Variants in ASIC2 observed in about 807,000 individuals in gnomAD.
ASIC2 encodes the protein acid sensing ion channel subunit 2, also known as acid-sensing ion channel 2.
Under a neutral mutation model 57.3 loss-of-function variants are expected in ASIC2, and 25 were observed. The observed-to-expected ratio is 0.44, with a 90% CI of 0.32 to 0.61. The LOEUF is 0.61. Ranked by LOEUF, ASIC2 falls within the 20% of genes least tolerant of loss-of-function variation. The pLI is 0.06. For synonymous variants in ASIC2, 319 were observed against 307.5 expected, an observed-to-expected ratio of 1.04 and a Z score of -0.39; for missense variants, 641 against 738.1, an observed-to-expected ratio of 0.87 and a Z score of 1.52.
At chr17:33,069,582 T>C (rs999261764) in intron 3 of ASIC2, among the ~76,000 whole-genome samples, 57 of 152,244 alleles carry the variant, frequency 3.7e-4, no homozygotes, top group African/African-American at 1.1e-3. Context: ...TTTATGATTA[T>C]GAAATGACCT....
chr17:33,390,410 G>C (rs11652948), intron 1 of ASIC2, among the ~76,000 whole-genome samples: 2,328 of 152,150 alleles, frequency 0.015, 27 homozygotes, highest in Middle Eastern at 0.048. Context: ...TGTTTTGTTT[G>C]TATTCATGTA....
intron 1 of ASIC2, among the ~76,000 whole-genome samples, chr17:33,655,586 A>G (rs569683391): frequency 6.6e-6 from 1 of 152,298 alleles, no homozygotes; most frequent in East Asian, 1.9e-4. Context: ...CTCCATCTGA[A>G]CATTCTTGAA....
intron 1 of ASIC2, among the ~76,000 whole-genome samples, chr17:34,142,518 C>A (rs1444142518): frequency 6.6e-6 from 1 of 152,174 alleles, no homozygotes; most frequent in Non-Finnish European, 1.5e-5. Context: ...TCTAATTAAA[C>A]AACATACTCA....
At chr17:33,465,918 A>T (rs1309550665) in intron 1 of ASIC2, among the ~76,000 whole-genome samples, 1 of 152,110 alleles carries the variant, frequency 6.6e-6, no homozygotes, top group East Asian at 1.9e-4. Flanking sequence ...AGTCTTAAAA[A>T]CTGTAAGGAC....
rs538093949 is a variant in ASIC2, at chr17:33,672,800, C to G, written c.555+483178G>C. ...GGACTACCAGGAATCTCCAGTCTGG[C>G]GTTGAGATGAGACGCCTGCAGAAAT... On this transcript the variant is annotated intron_variant, in intron 1 of 9. Coordinates refer to the ASIC2 transcript ENST00000359872. Among the ~76,000 whole-genome samples, 24 of 152,228 alleles carry G rather than the reference C, an allele frequency of 1.6e-4. 1 individual carries two copies. The highest frequency in any genetic ancestry group is 5.1e-4 in the African/African-American group (21 of 41,534).
chr17:33,406,408 C>G (rs1212253000), intron 1 of ASIC2, among the ~76,000 whole-genome samples: 1 of 152,182 alleles, frequency 6.6e-6, no homozygotes, highest in Non-Finnish European at 1.5e-5. Context: ...TGGGCCAAGT[C>G]TTATTTGTAC....
At chr17:33,839,575 C>A (rs994984700) in intron 1 of ASIC2, among the ~76,000 whole-genome samples, 1 of 152,126 alleles carries the variant, frequency 6.6e-6, no homozygotes, top group African/African-American at 2.4e-5. Context: ...CTAGGGTGAC[C>A]AATTGTCCCC....
At chr17:33,183,298 C>A (rs1906059276) in intron 1 of ASIC2, among the ~76,000 whole-genome samples, 1 of 152,112 alleles carries the variant, frequency 6.6e-6, no homozygotes, top group South Asian at 2.1e-4. Context: ...TTATTACTTT[C>A]AAATGTTATA....
chr17:33,245,546 T>C (rs570836045), intron 1 of ASIC2, among the ~76,000 whole-genome samples: 102 of 152,218 alleles, frequency 6.7e-4, no homozygotes, highest in Middle Eastern at 6.8e-3. Context: ...TAAACTAAAA[T>C]GTGGGTTGCA....
At chr17:33,882,304 A>G (rs1914719541) in intron 1 of ASIC2, among the ~76,000 whole-genome samples, 1 of 152,254 alleles carries the variant, frequency 6.6e-6, no homozygotes, top group African/African-American at 2.4e-5. Context: ...AAAAGAAACT[A>G]TCATCAGAGT....
At chr17:33,184,829 T>C (rs1410796687) in intron 1 of ASIC2, among the ~76,000 whole-genome samples, 1 of 152,194 alleles carries the variant, frequency 6.6e-6, no homozygotes, top group African/African-American at 2.4e-5. Flanking sequence ...CCTATATTAC[T>C]AAACTTCCAG....
chr17:33,912,345 T>C (rs542727210), intron 1 of ASIC2, among the ~76,000 whole-genome samples: 1 of 147,476 alleles, frequency 6.8e-6, no homozygotes, highest in South Asian at 2.2e-4. Flanking sequence ...ATACAAAAGT[T>C]AGCTGGGCAT....
At chr17:33,933,696 C>T (rs1314808768) in intron 1 of ASIC2, among the ~76,000 whole-genome samples, 3 of 152,236 alleles carry the variant, frequency 2.0e-5, no homozygotes, top group Non-Finnish European at 4.4e-5. Flanking sequence ...CTCTGACTTG[C>T]TCTGGACATT....
chr17:33,020,259 T>C (rs558052315), intron 7 of ASIC2, among the ~76,000 whole-genome samples: 2 of 152,244 alleles, frequency 1.3e-5, no homozygotes, highest in East Asian at 3.9e-4. Context: ...GGGGTTATCA[T>C]GTTTAACCAT....
intron 1 of ASIC2, among the ~76,000 whole-genome samples, chr17:33,799,835 C>T (rs373191392): frequency 1.1e-3 from 160 of 152,222 alleles, no homozygotes; most frequent in African/African-American, 3.7e-3. Context: ...GTGAATGGTG[C>T]TCCCTAAGGT....
chr17:33,801,512 A>G (rs1047846051), intron 1 of ASIC2, among the ~76,000 whole-genome samples: 1 of 152,130 alleles, frequency 6.6e-6, no homozygotes, highest in Non-Finnish European at 1.5e-5. Flanking sequence ...AAAGTCTGCC[A>G]CTTGATATCT....
At chr17:33,431,780 G>A (rs1365499124) in intron 1 of ASIC2, among the ~76,000 whole-genome samples, 2 of 152,122 alleles carry the variant, frequency 1.3e-5, no homozygotes, top group Non-Finnish European at 2.9e-5. Context: ...TAAAAATATT[G>A]AGGGCAAAAC....
At chr17:33,026,170 C>G (rs2091858647) in intron 4 of ASIC2, among the ~76,000 whole-genome samples, 188 bp from the exon 5 acceptor site, 2 of 152,320 alleles carry the variant, frequency 1.3e-5, no homozygotes, top group East Asian at 3.9e-4. Flanking sequence ...GGCTTCTGAT[C>G]TGCTATGTAA....
At chr17:33,463,991 G>A (rs1043896209) in intron 1 of ASIC2, among the ~76,000 whole-genome samples, 3 of 151,250 alleles carry the variant, frequency 2.0e-5, no homozygotes, top group East Asian at 3.9e-4. Flanking sequence ...CTTATGAGTG[G>A]CATCTGAACA....
Sources: allele counts gnomAD v4.1 joint callset (sites outside exome capture counted in the v4.1 genomes callset), GRCh38; gene constraint gnomAD v4.1.1; transcripts MANE v1.5; gene names NCBI Gene and HGNC (gene_info 2026-07-23, HGNC 2026-07-21).